Variants in ARHGAP27 observed in about 807,000 individuals in gnomAD.
The protein encoded by ARHGAP27 is Rho GTPase activating protein 27.
A neutral mutation model predicts 102.0 loss-of-function variants in ARHGAP27; 53 were observed. The observed-to-expected ratio is 0.52, with a 90% CI of 0.42 to 0.65. The LOEUF (loss-of-function observed/expected upper bound fraction) is 0.65, where lower values mean the gene tolerates loss of function less well. Among genes scored for constraint, ARHGAP27 ranks in the 30% least tolerant of loss-of-function variants. The probability of loss-of-function intolerance (pLI) is 0.00; values close to 1 mark genes in which losing one functional copy is unlikely to be tolerated. For synonymous variants in ARHGAP27, 525 were observed against 542.8 expected (o/e 0.97, Z 0.46); for missense variants, 1,117 against 1,256.2 (o/e 0.89, Z 1.68).
In ARHGAP27 at chr17:45,397,949, C is replaced by A. The variant is rs1490209661; in HGVS notation, c.1842G>T (p.Leu614=). The A allele has an allele frequency of 6.2e-7, 1 of 1,603,662 alleles. No homozygotes were observed. Among genetic ancestry groups the A allele is most frequent in the South Asian group, 1.1e-5 (1 of 90,474 alleles). ...HKAIAQGIQE[L]SAELPPEESE... is the part of the protein sequence containing the mutation. ...CCTAGAGGCCCTGGGCTCTGCTTAC[C>A]AGCTCCTGGATGCCCTGAGCAATGG... Residue 614 remains leucine, a splice_region_variant and synonymous_variant, in exon 13 of 20, where the codon CTG becomes CTT. Transcript: ENST00000685559.
chr17:45,426,272 C>T (rs890067335), intron 4 of ARHGAP27, among the ~76,000 whole-genome samples: 23 of 152,128 alleles, frequency 1.5e-4, no homozygotes, highest in African/African-American at 4.8e-4. Context: ...GAGGTGCCTA[C>T]GCCTGCCTTC....
chr17:45,400,959 TCTC>T (rs2046373381), intron 12 of ARHGAP27, among the ~76,000 whole-genome samples: 1 of 146,678 alleles, frequency 6.8e-6, no homozygotes, highest in Non-Finnish European at 1.5e-5. Flanking sequence ...TAGTGATGTC[TCTC>T]CTCAATTTAA....
At position 45,396,527 on chromosome 17, in the gene ARHGAP27, T is replaced by C. The variant is rs2045706221; in HGVS notation, c.2133A>G (p.Pro711=). 1.9e-6 allele frequency: 3 copies of C among 1,583,282 alleles called. No homozygotes were observed. Among genetic ancestry groups the C allele is most frequent in the Non-Finnish European group, 1.7e-6 (2 of 1,170,270 alleles). ...CGCGGATGCACTGCTGCACGAAGCG[T>C]GGCACCCGGCTCCTCTCGCGCTCAC... ...ALCERERSRV[P]RFVQQCIRAV... is the part of the protein sequence containing the mutation. The change falls in exon 16 of 20, where the codon CCA becomes CCG. Residue 711 remains proline (P), a synonymous_variant. Coordinates refer to ENST00000685559, the MANE Select transcript of ARHGAP27 (RefSeq NM_001282290.2).
intron 4 of ARHGAP27, among the ~76,000 whole-genome samples, chr17:45,424,210 C>T (rs1262127964): frequency 2.0e-5 from 3 of 152,216 alleles, no homozygotes; most frequent in South Asian, 2.1e-4. Flanking sequence ...AGGCCTCACC[C>T]GGCTCAGGCA....
rs1324011039 is a variant in ARHGAP27 at position 45,427,893 on chromosome 17, C to A, written c.657+1730G>T. On this transcript the variant is annotated intron_variant, in intron 4 of 19. Transcript: ENST00000685559. This position sits in a 1 kb window ranked among gnomAD's most constrained non-coding sequence, Gnocchi z 4.5. The stretch of plus-strand genomic sequence containing the variant: ...AAGGATGGGCAGAGGGGCCACCTGG[C>A]AGGCGCCCTGGCAGCCGGGGTGATC... 6.6e-6 allele frequency among the ~76,000 whole-genome samples: 1 copy of A among 152,228 alleles called. No individual in the cohort carries two copies. The highest frequency in any genetic ancestry group is 1.5e-5 in the Non-Finnish European group (1 of 68,042).
chr17:45,402,063 T>G (rs1473584318), intron 12 of ARHGAP27, among the ~76,000 whole-genome samples: 2 of 152,178 alleles, frequency 1.3e-5, no homozygotes, highest in African/African-American at 4.8e-5. Flanking sequence ...GAGTACCCTT[T>G]CTGGGTCTTC....
At position 45,396,258 on chromosome 17, in the gene ARHGAP27, T is replaced by A; in HGVS notation, c.2200A>T (p.Ile734Phe). ...TGGATGGTGGCCAGGTTTCCACTGA[T>A]GCGGTACAGCCCGTCGATGTCCAGC... The part of the protein sequence containing the change: ...RGLDIDGLYR[I>F]SGNLATIQKL... The change falls in exon 17 of 20, where the codon ATC (isoleucine) becomes TTC (phenylalanine). Residue 734 changes from isoleucine to phenylalanine, a missense_variant. Around this residue, in one of 3 missense-constraint regions of ARHGAP27, gnomAD observed 493 missense variants for 505.5 expected, o/e 0.98. Transcript: ENST00000685559. The A allele has an allele frequency of 6.2e-7, 1 of 1,613,386 alleles. No homozygotes were observed. The highest frequency in any genetic ancestry group is 8.5e-7 in the Non-Finnish European group (1 of 1,179,676).
chr17:45,410,337 G>A (rs2047765961), intron 4 of ARHGAP27: 1 of 1,459,058 alleles, frequency 6.9e-7, no homozygotes, highest in Non-Finnish European at 9.0e-7. Context: ...GGTTTTGGGG[G>A]TAGAGCCCAG....
At chr17:45,423,082 G>A (rs1324259105) in intron 4 of ARHGAP27, among the ~76,000 whole-genome samples, 2 of 152,146 alleles carry the variant, frequency 1.3e-5, no homozygotes, top group Non-Finnish European at 2.9e-5. Context: ...TCAGGAGGCT[G>A]AGGCAGGAGA....
chr17:45,400,231 G>A (rs372525843), intron 12 of ARHGAP27, among the ~76,000 whole-genome samples: 2 of 152,120 alleles, frequency 1.3e-5, no homozygotes, highest in Non-Finnish European at 2.9e-5. Flanking sequence ...AGCTTTTGGC[G>A]GACTGTTGCT....
intron 4 of ARHGAP27, among the ~76,000 whole-genome samples, chr17:45,417,881 G>A (rs1344357833): frequency 2.0e-5 from 3 of 151,834 alleles, no homozygotes; most frequent in African/African-American, 4.8e-5. Context: ...GTGAAACCCC[G>A]TCTCTACTAA....
In ARHGAP27 at chr17:45,405,906, A is replaced by T. The variant is rs1199827822; in HGVS notation, c.835T>A (p.Phe279Ile). The T allele has an allele frequency of 1.3e-6, 2 of 1,535,762 alleles. No homozygotes were observed. Among genetic ancestry groups the T allele is most frequent in the South Asian group, 1.2e-5 (1 of 84,042 alleles). The change falls in exon 5 of 20, where the codon TTT becomes ATT. Residue 279 changes from phenylalanine to isoleucine, a missense_variant. Phe to Ile is a conservative substitution (Grantham distance 21). This residue lies in a region of ARHGAP27 where 610 missense variants were observed against 716.4 expected (regional missense o/e 0.85). Transcript: ENST00000685559. ...CTGGCGGCACCCTCGGCAGCCTCAAAGGGCGACTCCCAGGTGGTAACTCCC... is the reference window on the plus strand; with the variant it reads ...CTGGCGGCACCCTCGGCAGCCTCAATGGGCGACTCCCAGGTGGTAACTCCC... ...DTGVTTWESPFEAAEGAASPA... is the reference protein window; with the variant it reads ...DTGVTTWESPIEAAEGAASPA...
Position 45,398,018 on chromosome 17 carries a change from C to T in ARHGAP27, c.1773G>A (p.Leu591=). The part of the protein sequence containing the change: ...ELRSRDGSEY[L]IQHDSEAIIS... ...TGATGGCCTCCGAGTCGTGCTGGATCAGGTACTCAGAGCCATCTCGGCTCC... is the reference window on the plus strand; with the variant it reads ...TGATGGCCTCCGAGTCGTGCTGGATTAGGTACTCAGAGCCATCTCGGCTCC... Residue 591 remains leucine, a synonymous_variant, in exon 13 of 20, where the codon CTG becomes CTA. Transcript: ENST00000685559. 1.2e-6 allele frequency: 2 copies of T among 1,608,516 alleles called. No homozygotes were observed. Among genetic ancestry groups the T allele is most frequent in the Non-Finnish European group, 1.7e-6 (2 of 1,175,714 alleles).
Position 45,396,905 on chromosome 17 carries a change from C to G in ARHGAP27, c.1951+11G>C. 1 of 1,607,196 alleles carries G rather than the reference C, an allele frequency of 6.2e-7. No homozygotes were observed. Among genetic ancestry groups the G allele is most frequent in the Non-Finnish European group, 8.5e-7 (1 of 1,179,932 alleles). ...TCCTGGAGCCCCCACCCCATCCTGC[C>G]TTGCGCACACCTGCATTCGGTCGCG... On this transcript the variant is annotated intron_variant, in intron 14 of 19. Coordinates refer to ENST00000685559, the MANE Select transcript of ARHGAP27 (RefSeq NM_001282290.2).
chr17:45,402,537 C>T (rs1039080741), intron 12 of ARHGAP27, among the ~76,000 whole-genome samples, 177 bp downstream of exon 12: 1 of 152,164 alleles, frequency 6.6e-6, no homozygotes, highest in African/African-American at 2.4e-5. Flanking sequence ...GCACCAATAT[C>T]ACCTCTCTGG....
intron 4 of ARHGAP27, 134 bp from the exon 5 acceptor site, chr17:45,406,217 C>G: frequency 9.2e-7 from 1 of 1,091,402 alleles, no homozygotes; most frequent in East Asian, 2.7e-5. Context: ...TCTGCAGCCT[C>G]AAAATTTTGT....
intron 10 of ARHGAP27, 27 bp from the exon 11 acceptor site, chr17:45,403,736 G>A: frequency 6.3e-7 from 1 of 1,589,796 alleles, no homozygotes; most frequent in Non-Finnish European, 8.6e-7. Flanking sequence ...AAGTGGGGGT[G>A]GCAGGACTTA....
In ARHGAP27 at chr17:45,430,000, C is replaced by A. The variant is rs2145091658; in HGVS notation, c.280G>T (p.Asp94Tyr). Residue 94 changes from aspartate to tyrosine, a missense_variant, in exon 4 of 20, where the codon GAC becomes TAC. Coordinates refer to ENST00000685559, the MANE Select transcript of ARHGAP27 (RefSeq NM_001282290.2). ...SPAAPEPLAY[D>Y]YRFVSAAATA... The stretch of plus-strand genomic sequence containing the variant: ...GCCGCCGCGCTCACAAACCGGTAGT[C>A]GTAGGCGAGCGGCTCAGGGGCCGCG... 1 of 1,185,692 alleles carries A rather than the reference C, an allele frequency of 8.4e-7. No individual in the cohort carries two copies. The highest frequency in any genetic ancestry group is 3.3e-5 in the South Asian group (1 of 30,014). The allele number at this position is 1,185,692 out of a possible 1,614,324, so 73.4% of individuals were successfully genotyped here.
At chr17:45,429,053 G>T (rs964837059) in intron 4 of ARHGAP27, among the ~76,000 whole-genome samples, 4 of 152,244 alleles carry the variant, frequency 2.6e-5, no homozygotes, top group African/African-American at 9.6e-5. Flanking sequence ...CACCCTCAAA[G>T]GGAAGCAGAC....
Sources: allele counts gnomAD v4.1 joint callset (sites outside exome capture counted in the v4.1 genomes callset), GRCh38; gene constraint gnomAD v4.1.1; regional missense constraint gnomAD v4.1.1; non-coding constraint Gnocchi (gnomAD v3.1); transcripts MANE v1.5; gene names NCBI Gene and HGNC (gene_info 2026-07-23, HGNC 2026-07-21).